DENND3: variants seen among roughly 807,000 people sequenced by gnomAD.
DENND3 encodes DENN domain containing 3.
Under a neutral mutation model 135.1 loss-of-function variants are expected in DENND3, and 88 were observed. The observed-to-expected ratio is 0.65, with a 90% CI of 0.55 to 0.78. The LOEUF (loss-of-function observed/expected upper bound fraction) is 0.78. Among genes scored for constraint, DENND3 ranks in the 30% least tolerant of loss-of-function variants. The pLI is 0.00. For missense variants in DENND3, 1,392 were observed against 1,688.4 expected, an observed-to-expected ratio of 0.82 and a Z score of 3.08; for synonymous variants, 693 against 712.3, an observed-to-expected ratio of 0.97 and a Z score of 0.43.
rs186286083 is a variant in DENND3, at chr8:141,131,971, A to T, written c.102+3162A>T. Among the ~76,000 whole-genome samples the T allele has an allele frequency of 7.6e-4, 115 of 151,992 alleles. 1 individual carries two copies. The Middle Eastern group carries it at 0.021, about 27-fold the overall frequency. ...TTGTGCCAAGACTTCCATTTTTAGGAATTTATTCTAGGGAAAGAACTGGGT... is the reference window on the plus strand; with the variant it reads ...TTGTGCCAAGACTTCCATTTTTAGGTATTTATTCTAGGGAAAGAACTGGGT... On this transcript the variant is annotated intron_variant, in intron 1 of 22. Transcript: ENST00000519811.
Position 141,180,738 on chromosome 8 carries a change from G to A in DENND3, c.2837-9G>A. ...GCAACAGTAACACTCCAAGTGTCTT[G>A]TCTTTCAGTGCCCATGACGCTTCCG... On this transcript the variant is annotated splice_polypyrimidine_tract_variant and intron_variant, in intron 16 of 22. Transcript: ENST00000519811. 1 of 1,611,444 alleles carries A rather than the reference G, an allele frequency of 6.2e-7. No individual in the cohort carries two copies. Among genetic ancestry groups the A allele is most frequent in the Non-Finnish European group, 8.5e-7 (1 of 1,178,554 alleles).
chr8:141,194,567 A>T lies in DENND3; in HGVS notation c.*334A>T. The T allele has an allele frequency of 3.1e-6, 1 of 326,964 alleles. No individual in the cohort carries two copies. The highest frequency in any genetic ancestry group is 5.8e-6 in the Non-Finnish European group (1 of 171,242). 20.3% of individuals were successfully genotyped at this position (326,964 alleles called of 1,614,324 possible). ...ACAACCAGGGGCTGGCACTGGAGCCAGCAGCTTGGCCGAGTCACAGGTGAC... is the reference window on the plus strand; with the variant it reads ...ACAACCAGGGGCTGGCACTGGAGCCTGCAGCTTGGCCGAGTCACAGGTGAC... On this transcript the variant is annotated 3_prime_UTR_variant, in exon 23 of 23. Transcript: ENST00000519811.
At position 141,167,922 on chromosome 8, in the gene DENND3, C is replaced by T. The variant is rs1821016112; in HGVS notation, c.1754-82C>T. 6 of 1,518,046 alleles carry T rather than the reference C, an allele frequency of 4.0e-6. No individual in the cohort carries two copies. The South Asian group carries it at 7.8e-5, about 20-fold the overall frequency. 94.0% of individuals were successfully genotyped at this position (1,518,046 alleles called of 1,614,324 possible). On this transcript the variant is annotated intron_variant, in intron 12 of 22. Coordinates refer to ENST00000519811, the MANE Select transcript of DENND3 (RefSeq NM_001352890.3). The surrounding 1 kb of genome is among the most constrained non-coding windows in gnomAD (Gnocchi z 4.1). The stretch of plus-strand genomic sequence containing the variant: ...ATTTTGCATCCAGAGAAACATTGTC[C>T]TTGACAAGATGATGTGACAGGGACA...
rs572516776 is a variant in DENND3, at chr8:141,151,059, C to T, written c.855+106C>T. ...GATGCGAGTTTATTCCACAATGCACCGACTGGTATACTCGAAATGTTTATT... is the reference window on the plus strand; with the variant it reads ...GATGCGAGTTTATTCCACAATGCACTGACTGGTATACTCGAAATGTTTATT... On this transcript the variant is annotated intron_variant, in intron 6 of 22. Transcript: ENST00000519811. 2.3e-5 allele frequency: 32 copies of T among 1,381,148 alleles called. No individual in the cohort carries two copies. In the South Asian group the frequency reaches 3.5e-4, roughly 15 times the overall value. 85.6% of individuals were successfully genotyped at this position (1,381,148 alleles called of 1,614,324 possible).
chr8:141,136,578 C>A lies in DENND3; in HGVS notation c.172C>A (p.Pro58Thr). The change falls in exon 2 of 23, where the codon CCT becomes ACT. Residue 58 changes from proline (P) to threonine (T), a missense_variant. By Grantham distance (38) the Pro-to-Thr change is conservative. Transcript: ENST00000519811. Reference protein sequence around the residue: ...LDPEVLSIFVPPFISKEDSQM... With the variant: ...LDPEVLSIFVTPFISKEDSQM... ...TCCAGAGGTCCTGTCCATTTTCGTG[C>A]CTCCTTTTATCAGTAAAGAGGACAG... 1.3e-6 allele frequency: 2 copies of A among 1,577,916 alleles called. No homozygotes were observed. Among genetic ancestry groups the A allele is most frequent in the Non-Finnish European group, 1.7e-6 (2 of 1,161,758 alleles).
chr8:141,170,720 G>T (rs992539086), intron 13 of DENND3, among the ~76,000 whole-genome samples: 5 of 152,224 alleles, frequency 3.3e-5, no homozygotes, highest in Non-Finnish European at 7.4e-5. Flanking sequence ...GCCACCTGGG[G>T]GGCAGGGCAG....
chr8:141,143,325 G>C lies in DENND3; in HGVS notation c.624-823G>C, dbSNP rs1329150855. Among the ~76,000 whole-genome samples the C allele has an allele frequency of 2.0e-5, 3 of 152,152 alleles. No individual in the cohort carries two copies. In the East Asian group the frequency reaches 5.8e-4, roughly 29 times the overall value. ...CTAGGGTACATGTGCACAACGTGCA[G>C]GTTTGTTACGTATGTATACATGTGC... On this transcript the variant is annotated intron_variant, in intron 4 of 22. Coordinates refer to ENST00000519811, the MANE Select transcript of DENND3 (RefSeq NM_001352890.3).
chr8:141,160,679 T>TGAG lies in DENND3; in HGVS notation c.1244_1245insGAG (p.Ser417dup). 1 of 1,612,264 alleles carries TGAG rather than the reference T, an allele frequency of 6.2e-7. No homozygotes were observed. Among genetic ancestry groups the TGAG allele is most frequent in the African/African-American group, 1.3e-5 (1 of 75,004 alleles). On this transcript the variant is annotated inframe_insertion, in exon 9 of 23. Coordinates refer to ENST00000519811, the MANE Select transcript of DENND3 (RefSeq NM_001352890.3). ...CATGAGCTGCACGCCGCCCACCTCC[T>TGAG]CTCCAGCACAGACCTGAAGGAGGGC...
intron 7 of DENND3, 71 bp downstream of exon 7, chr8:141,151,908 G>A: frequency 1.3e-6 from 2 of 1,566,846 alleles, no homozygotes; most frequent in South Asian, 2.3e-5. Flanking sequence ...ATGGGAAGAT[G>A]CGTCTGAAAG....
intron 1 of DENND3, among the ~76,000 whole-genome samples, chr8:141,131,306 A>G (rs1240720647): frequency 6.6e-6 from 1 of 152,152 alleles, no homozygotes; most frequent in Admixed American, 6.5e-5. Context: ...GTGTGACAGG[A>G]TCCATTATAA....
intron 1 of DENND3, among the ~76,000 whole-genome samples, chr8:141,129,281 T>C (rs930023872): frequency 9.2e-5 from 14 of 152,224 alleles, no homozygotes; most frequent in Admixed American, 2.6e-4. Context: ...TGGGATGTGT[T>C]GTCCCCTGAG....
rs1217742169 is a variant in DENND3, at chr8:141,194,392, C to A, written c.*159C>A. On this transcript the variant is annotated 3_prime_UTR_variant, in exon 23 of 23. Transcript: ENST00000519811. ...GTGTGGCCAGCCGCGAGACCCATGG[C>A]CACGCACCTTCTCTCAGGCCTTCGG... is the stretch of plus-strand genomic sequence containing the variant. The A allele has an allele frequency of 2.5e-6, 2 of 796,662 alleles. No homozygotes were observed. Among genetic ancestry groups the A allele is most frequent in the East Asian group, 5.4e-5 (2 of 37,158 alleles). 49.3% of individuals were successfully genotyped at this position (796,662 alleles called of 1,614,324 possible).
At chr8:141,150,799 C>T in intron 5 of DENND3, 35 bp from the exon 6 acceptor site, 1 of 1,560,008 alleles carries the variant, frequency 6.4e-7, no homozygotes, top group Non-Finnish European at 8.7e-7. Context: ...CCCGGAGCAG[C>T]TCTCTGAACT....
intron 18 of DENND3, among the ~76,000 whole-genome samples, chr8:141,188,109 C>T (rs1438189587): frequency 8.3e-6 from 1 of 120,538 alleles, no homozygotes; most frequent in African/African-American, 3.2e-5. Flanking sequence ...GGCTGTAGTC[C>T]CGGCTACTCG....
At chr8:141,145,833 A>ATTTTTT (rs1818014943) in intron 5 of DENND3, among the ~76,000 whole-genome samples, 1 of 32,078 alleles carries the variant, frequency 3.1e-5, no homozygotes, top group African/African-American at 2.4e-4. Flanking sequence ...ATATATATAT[A>ATTTTTT]TATATATATA....
chr8:141,190,134 A>G, intron 19 of DENND3, 150 bp from the exon 20 acceptor site: 12 of 1,050,366 alleles, frequency 1.1e-5, no homozygotes, highest in Non-Finnish European at 1.5e-5. Flanking sequence ...TTTGCAGGTT[A>G]TTATGTTTGC....
chr8:141,174,315 G>A lies in DENND3; in HGVS notation c.2276-885G>A, dbSNP rs533634393. 1.3e-5 allele frequency among the ~76,000 whole-genome samples: 2 copies of A among 152,252 alleles called. No homozygotes were observed. The highest frequency in any genetic ancestry group is 3.9e-4 in the East Asian group (2 of 5,178). Reference sequence around the variant, plus strand: ...GCCACGCAAAGCAGGCTGTGAGTGCGGGTGGCTCTGAAGGCAGGAGCCACT... The same window carrying A: ...GCCACGCAAAGCAGGCTGTGAGTGCAGGTGGCTCTGAAGGCAGGAGCCACT... On this transcript the variant is annotated intron_variant, in intron 13 of 22. Transcript: ENST00000519811. The surrounding 1 kb of genome is among the most constrained non-coding windows in gnomAD (Gnocchi z 4.6).
At chr8:141,159,224 A>T (rs936190027) in intron 8 of DENND3, among the ~76,000 whole-genome samples, 2 of 152,020 alleles carry the variant, frequency 1.3e-5, no homozygotes, top group African/African-American at 4.8e-5. Flanking sequence ...GGGCCACTCC[A>T]CCCAGAATCC....
rs760814328 is a variant in DENND3, at chr8:141,154,711, C to T, written c.1075-1138C>T. ...CTGAGTAGCTGGGATTGCAGGCACA[C>T]GCCACCATGCCTGGGTAATTTTTGT... is the stretch of plus-strand genomic sequence containing the variant. On this transcript the variant is annotated intron_variant, in intron 7 of 22. Coordinates refer to ENST00000519811, the MANE Select transcript of DENND3 (RefSeq NM_001352890.3). This position sits in a 1 kb window ranked among gnomAD's most constrained non-coding sequence, Gnocchi z 4.4. Among the ~76,000 whole-genome samples the T allele has an allele frequency of 6.6e-6, 1 of 152,024 alleles. No individual in the cohort carries two copies. Among genetic ancestry groups the T allele is most frequent in the Non-Finnish European group, 1.5e-5 (1 of 68,004 alleles).
Sources: gnomAD v4.1 joint callset for allele counts (sites outside exome capture counted in the v4.1 genomes callset) on GRCh38, gnomAD v4.1.1 for gene constraint, Gnocchi (gnomAD v3.1) non-coding constraint, MANE v1.5 for transcripts, NCBI Gene and HGNC (gene_info 2026-07-23, HGNC 2026-07-21) for gene names.